Variants in UTRN observed in about 807,000 individuals in gnomAD.
UTRN encodes utrophin.
In UTRN, 283 loss-of-function variants were observed where a neutral mutation model predicts 463.9. The observed-to-expected ratio is 0.61, with a 90% CI of 0.55 to 0.67. The LOEUF (loss-of-function observed/expected upper bound fraction) is 0.67. Among genes scored for constraint, UTRN ranks in the 30% least tolerant of loss-of-function variants. The pLI is 0.00. For missense variants in UTRN, 3,922 were observed against 4,084.3 expected, an observed-to-expected ratio of 0.96 and a Z score of 1.08; for synonymous variants, 1,442 against 1,431.5, an observed-to-expected ratio of 1.01 and a Z score of -0.17.
intron 28 of UTRN, among the ~76,000 whole-genome samples, chr6:144,486,595 C>T (rs1294712460): frequency 6.6e-6 from 1 of 151,814 alleles, no homozygotes; most frequent in Non-Finnish European, 1.5e-5. Context: ...GATTTTGGCT[C>T]ACTGCAACCT....
intron 60 of UTRN, among the ~76,000 whole-genome samples, chr6:144,777,861 A>T (rs935795107): frequency 2.6e-5 from 4 of 151,892 alleles, no homozygotes; most frequent in African/African-American, 9.7e-5. Flanking sequence ...TGTTCAAGGA[A>T]CATTAAGTTA....
chr6:144,677,358 C>T lies in UTRN; in HGVS notation c.7480-1048C>T, dbSNP rs1007563302. Reference sequence around the variant, plus strand: ...TTCAGCTCCCACTTATGAGTGAGAACATGCGGTGTTTGGTTTTCTGTTCCT... The same window carrying T: ...TTCAGCTCCCACTTATGAGTGAGAATATGCGGTGTTTGGTTTTCTGTTCCT... On this transcript the variant is annotated intron_variant, in intron 51 of 74. Coordinates refer to ENST00000367545, the MANE Select transcript of UTRN (RefSeq NM_007124.3). 5.9e-5 allele frequency among the ~76,000 whole-genome samples: 9 copies of T among 152,248 alleles called. No individual in the cohort carries two copies. The South Asian group carries it at 1.9e-3, about 32-fold the overall frequency.
intron 54 of UTRN, among the ~76,000 whole-genome samples, chr6:144,746,192 G>A (rs549944237): frequency 2.3e-4 from 35 of 151,986 alleles, no homozygotes; most frequent in African/African-American, 7.2e-4. Flanking sequence ...TAATAGAGAC[G>A]GGGTTTCATC....
At chr6:144,308,052 A>G (rs1236315836) in intron 2 of UTRN, among the ~76,000 whole-genome samples, 1 of 151,932 alleles carries the variant, frequency 6.6e-6, no homozygotes, top group Non-Finnish European at 1.5e-5. Context: ...CCCAGCTGCA[A>G]TCTCCTGCCA....
At chr6:144,635,264 C>T (rs1222952087) in intron 51 of UTRN, among the ~76,000 whole-genome samples, 1 of 151,192 alleles carries the variant, frequency 6.6e-6, no homozygotes, top group Non-Finnish European at 1.5e-5. Context: ...GATCCTCCCA[C>T]CTCTGCCTAC....
Position 144,440,449 on chromosome 6 carries a change from C to T in UTRN, c.1490C>T (p.Ala497Val). ...GAAAACAGTGGTGAGAGTGCTACAG[C>T]TATCCTAGAAGACCAGTTACAGGTA... ...VDENSGESAT[A>V]ILEDQLQKLG... is the part of the protein sequence containing the mutation. Residue 497 changes from alanine to valine, a missense_variant, in exon 13 of 75, where the codon GCT becomes GTT. Physicochemically the swap from Ala to Val is moderately conservative, Grantham distance 64. Transcript: ENST00000367545. The T allele has an allele frequency of 6.2e-7, 1 of 1,614,172 alleles. No homozygotes were observed. The highest frequency in any genetic ancestry group is 8.5e-7 in the Non-Finnish European group (1 of 1,180,022).
At chr6:144,386,006 G>A (rs1213750998) in intron 2 of UTRN, among the ~76,000 whole-genome samples, 1 of 152,124 alleles carries the variant, frequency 6.6e-6, no homozygotes, top group Admixed American at 6.5e-5. Flanking sequence ...ACTGTCCCCG[G>A]CCCAGAACCC....
chr6:144,545,084 ACTTGTAGTCAAC>A, intron 46 of UTRN, among the ~76,000 whole-genome samples: 1 of 152,190 alleles, frequency 6.6e-6, no homozygotes. Context: ...AGGCCAATAA[ACTTGTAGTCAAC>A]CTCAACTCTT....
intron 50 of UTRN, among the ~76,000 whole-genome samples, chr6:144,574,266 A>G (rs779634124): frequency 3.9e-5 from 6 of 152,184 alleles, no homozygotes; most frequent in Admixed American, 6.5e-5. Flanking sequence ...CTGCAGGTTA[A>G]GAAGTAAGTG....
intron 50 of UTRN, among the ~76,000 whole-genome samples, chr6:144,571,478 A>T (rs1800931612): frequency 6.6e-6 from 1 of 152,136 alleles, no homozygotes; most frequent in Non-Finnish European, 1.5e-5. Context: ...TCATTTTTAC[A>T]TTTCCATATT....
intron 64 of UTRN, among the ~76,000 whole-genome samples, chr6:144,798,798 G>A (rs1554398910): frequency 6.6e-6 from 1 of 152,246 alleles, no homozygotes; most frequent in Non-Finnish European, 1.5e-5. Flanking sequence ...CTGGTGTGCA[G>A]TGGCACGATC....
chr6:144,490,276 C>T, intron 31 of UTRN, 77 bp downstream of exon 31: 2 of 1,535,668 alleles, frequency 1.3e-6, no homozygotes, highest in Non-Finnish European at 1.7e-6. Context: ...GAATTGATTA[C>T]TTGGGCACCG....
chr6:144,400,526 C>T (rs1273640169), intron 2 of UTRN, among the ~76,000 whole-genome samples: 2 of 152,158 alleles, frequency 1.3e-5, no homozygotes, highest in African/African-American at 4.8e-5. Context: ...AAATTTGTTA[C>T]ATTTCAATCT....
At chr6:144,711,310 C>A (rs908863355) in intron 53 of UTRN, among the ~76,000 whole-genome samples, 1 of 151,214 alleles carries the variant, frequency 6.6e-6, no homozygotes, top group African/African-American at 2.4e-5. Flanking sequence ...TTGAGACTCC[C>A]GTCTCAAAAC....
At chr6:144,697,525 A>G (rs1586076868) in intron 52 of UTRN, among the ~76,000 whole-genome samples, 2 of 152,312 alleles carry the variant, frequency 1.3e-5, no homozygotes, top group East Asian at 3.9e-4. Context: ...CTACAGAAGC[A>G]TGCATTTATT....
In UTRN at chr6:144,461,161, A is replaced by G. The variant is rs201713296; in HGVS notation, c.2708-36A>G. 17 of 1,529,148 alleles carry G rather than the reference A, an allele frequency of 1.1e-5. No individual in the cohort carries two copies. In the East Asian group the frequency reaches 2.5e-4, roughly 23 times the overall value. 94.7% of individuals were successfully genotyped at this position (1,529,148 alleles called of 1,614,324 possible). On this transcript the variant is annotated intron_variant, in intron 21 of 74. Transcript: ENST00000367545. ...CTATGTAATAATATTGGTTCCTAAT[A>G]TGATTTTTTCAAACTAAATATTTTT...
At chr6:144,528,287 T>TG (rs937583737) in intron 41 of UTRN, among the ~76,000 whole-genome samples, 2 of 152,152 alleles carry the variant, frequency 1.3e-5, no homozygotes, top group Non-Finnish European at 2.9e-5. Context: ...CTGCCTGCCT[T>TG]GGCCTCCCAA....
chr6:144,407,875 T>A (rs1246938013), intron 3 of UTRN, among the ~76,000 whole-genome samples: 3 of 152,196 alleles, frequency 2.0e-5, no homozygotes, highest in Non-Finnish European at 4.4e-5. Flanking sequence ...CTCTTGGATT[T>A]TTAAAAGTTA....
chr6:144,345,342 C>A (rs981919426), intron 2 of UTRN, among the ~76,000 whole-genome samples: 2 of 152,040 alleles, frequency 1.3e-5, no homozygotes, highest in African/African-American at 4.8e-5. Context: ...CCATGTGATC[C>A]CAACACAACA....
Sources: gnomAD v4.1 joint callset for allele counts (sites outside exome capture counted in the v4.1 genomes callset) on GRCh38, gnomAD v4.1.1 for gene constraint, MANE v1.5 for transcripts, NCBI Gene and HGNC (gene_info 2026-07-23, HGNC 2026-07-21) for gene names.